QKI: variants seen among roughly 807,000 people sequenced by gnomAD.
QKI encodes QKI, KH domain containing RNA binding, also known as KH domain-containing RNA-binding protein QKI.
Under a neutral mutation model 39.0 loss-of-function variants are expected in QKI, and 10 were observed. That is an observed-to-expected ratio of 0.26 (90% CI 0.16 to 0.43). The LOEUF is 0.43. QKI is among the 20% of genes least tolerant of loss of function. QKI has a pLI of 1.00. For synonymous variants in QKI, 204 were observed against 155.4 expected, an observed-to-expected ratio of 1.31 and a Z score of -2.33; for missense variants, 218 against 428.0, an observed-to-expected ratio of 0.51 and a Z score of 4.33.
intron 3 of QKI, among the ~76,000 whole-genome samples, chr6:163,533,101 A>G (rs1215532933): frequency 6.6e-6 from 1 of 152,092 alleles, no homozygotes; most frequent in Non-Finnish European, 1.5e-5. Context: ...GGCCCACCAA[A>G]TAATACCAGA....
At chr6:163,560,390 AAGTT>A (rs1314893972) in intron 4 of QKI, among the ~76,000 whole-genome samples, 1 of 152,180 alleles carries the variant, frequency 6.6e-6, no homozygotes, top group Non-Finnish European at 1.5e-5. Context: ...GTTTCACTTA[AAGTT>A]AGTTTTAAAG....
rs1267835854 is a variant in QKI, at chr6:163,549,891, G to A, written c.547-12091G>A. Among the ~76,000 whole-genome samples the A allele has an allele frequency of 2.0e-5, 3 of 152,080 alleles. No homozygotes were observed. In the East Asian group the frequency reaches 5.8e-4, roughly 29 times the overall value. On this transcript the variant is annotated intron_variant, in intron 4 of 7. Transcript: ENST00000361752. Reference sequence around the variant, plus strand: ...ACTACTTTTTTAACAGGTGTTTTAAGCATCTGTTTGTATTTGTTGAACAAA... The same window carrying A: ...ACTACTTTTTTAACAGGTGTTTTAAACATCTGTTTGTATTTGTTGAACAAA...
intron 4 of QKI, among the ~76,000 whole-genome samples, chr6:163,560,930 A>G (rs935273271): frequency 6.6e-6 from 1 of 152,154 alleles, no homozygotes; most frequent in Non-Finnish European, 1.5e-5. Context: ...GGGGTGGCCA[A>G]ACATTTTGAT....
At chr6:163,444,907 A>T (rs1734046337) in intron 1 of QKI, among the ~76,000 whole-genome samples, 2 of 151,696 alleles carry the variant, frequency 1.3e-5, no homozygotes, top group South Asian at 2.1e-4. Context: ...AACACTTTTT[A>T]ATTATTATTA....
intron 5 of QKI, 25 bp downstream of exon 5, chr6:163,562,094 G>A (rs754146816): frequency 1.9e-6 from 3 of 1,563,218 alleles, no homozygotes; most frequent in Non-Finnish European, 2.6e-6. Context: ...TGAGGCCCAG[G>A]GTTACTGCTG....
chr6:163,415,053 C>G lies in QKI; in HGVS notation c.-141C>G. 1.1e-6 allele frequency: 1 copy of G among 881,282 alleles called. No homozygotes were observed. The highest frequency in any genetic ancestry group is 1.4e-6 in the Non-Finnish European group (1 of 738,612). The allele number at this position is 881,282 out of a possible 1,614,324, so 54.6% of individuals were successfully genotyped here. ...CGGTGCCGGCCGCCCCGGGGCTCGGCGCGGGAGCCAGAGCGGGAGCCGGCG... is the reference window on the plus strand; with the variant it reads ...CGGTGCCGGCCGCCCCGGGGCTCGGGGCGGGAGCCAGAGCGGGAGCCGGCG... On this transcript the variant is annotated 5_prime_UTR_variant, in exon 1 of 8. Transcript: ENST00000361752.
At chr6:163,550,162 A>G (rs576667771) in intron 4 of QKI, among the ~76,000 whole-genome samples, 1 of 152,318 alleles carries the variant, frequency 6.6e-6, no homozygotes, top group Non-Finnish European at 1.5e-5. Flanking sequence ...GAGGCTGGGA[A>G]GTCTAAGGTC....
At chr6:163,477,773 A>C (rs1023603477) in intron 2 of QKI, among the ~76,000 whole-genome samples, 1 of 152,212 alleles carries the variant, frequency 6.6e-6, no homozygotes, top group African/African-American at 2.4e-5. Flanking sequence ...TGACAATGCA[A>C]AATAAGAGCC....
intron 1 of QKI, chr6:163,416,632 G>C (rs1787528574): frequency 6.6e-6 from 1 of 152,148 alleles, no homozygotes. Context: ...GATAAAAAAT[G>C]GTTAAAGAAA....
chr6:163,542,521 T>TA (rs1781597639), intron 4 of QKI, among the ~76,000 whole-genome samples: 1 of 152,034 alleles, frequency 6.6e-6, no homozygotes, highest in African/African-American at 2.4e-5. Context: ...ATTGGGGAGA[T>TA]AGAGTACTAA....
intron 3 of QKI, among the ~76,000 whole-genome samples, chr6:163,516,724 T>C (rs1779825780): frequency 6.6e-6 from 1 of 152,226 alleles, no homozygotes; most frequent in Non-Finnish European, 1.5e-5. Context: ...ATTGGATTAA[T>C]CTGTTTATTA....
intron 1 of QKI, among the ~76,000 whole-genome samples, chr6:163,419,238 T>C (rs1422162465): frequency 6.6e-6 from 1 of 152,114 alleles, no homozygotes; most frequent in Non-Finnish European, 1.5e-5. Flanking sequence ...TATTTTTTCA[T>C]GTTAATGTTT....
intron 3 of QKI, among the ~76,000 whole-genome samples, chr6:163,517,294 G>A (rs1477874363): frequency 6.6e-6 from 1 of 152,126 alleles, no homozygotes; most frequent in African/African-American, 2.4e-5. Context: ...GACTTCTAAT[G>A]GAATATGTCA....
At chr6:163,566,945 A>C in intron 7 of QKI, 150 bp downstream of exon 7, 3 of 1,418,264 alleles carry the variant, frequency 2.1e-6, no homozygotes, top group South Asian at 1.6e-5. Context: ...TGACAGATTT[A>C]AGGGTTGGGT....
intron 3 of QKI, among the ~76,000 whole-genome samples, chr6:163,481,536 A>T (rs773848478): frequency 1.3e-5 from 2 of 152,202 alleles, no homozygotes; most frequent in Non-Finnish European, 2.9e-5. Context: ...ACCTTCCCTC[A>T]TGTTCCCCGA....
At chr6:163,456,111 TGTTA>T (rs1470286813) in intron 2 of QKI, among the ~76,000 whole-genome samples, 9 of 152,190 alleles carry the variant, frequency 5.9e-5, no homozygotes, top group Admixed American at 5.9e-4. Context: ...AGGGACCCCA[TGTTA>T]GTTGTGCTCT....
chr6:163,432,492 C>G (rs941383975), intron 1 of QKI, among the ~76,000 whole-genome samples: 1 of 151,480 alleles, frequency 6.6e-6, no homozygotes, highest in Non-Finnish European at 1.5e-5. Flanking sequence ...CTCCTGGGCT[C>G]AAGCGATCCT....
At chr6:163,457,402 AACT>A (rs924449064) in intron 2 of QKI, 4 of 455,878 alleles carry the variant, frequency 8.8e-6, no homozygotes, top group African/African-American at 6.0e-5. Flanking sequence ...TGCCACGGTG[AACT>A]ACTATTACCG....
intron 1 of QKI, among the ~76,000 whole-genome samples, chr6:163,424,627 C>T (rs900798007): frequency 6.6e-6 from 1 of 151,166 alleles, no homozygotes; most frequent in Non-Finnish European, 1.5e-5. Flanking sequence ...AGCAGCATCA[C>T]TGCTTGGTTT....
Sources: gnomAD v4.1 joint callset for allele counts (sites outside exome capture counted in the v4.1 genomes callset) on GRCh38, gnomAD v4.1.1 for gene constraint, MANE v1.5 for transcripts, NCBI Gene and HGNC (gene_info 2026-07-23, HGNC 2026-07-21) for gene names.